Variants in CYP4Z1 observed in about 807,000 individuals in gnomAD.
CYP4Z1 encodes the protein cytochrome P450 family 4 subfamily Z member 1, also known as cytochrome P450 4Z1.
In CYP4Z1, 41 loss-of-function variants were observed where a neutral mutation model predicts 54.2. The observed-to-expected ratio is 0.76, with a 90% CI of 0.59 to 0.98. The LOEUF (loss-of-function observed/expected upper bound fraction) is 0.98. Ranked by LOEUF, CYP4Z1 falls within the 50% of genes least tolerant of loss-of-function variation. The probability of loss-of-function intolerance (pLI) is 0.00; values close to 1 mark genes in which losing one functional copy is unlikely to be tolerated. For missense variants in CYP4Z1, 513 were observed against 599.0 expected (o/e 0.86, Z 1.50); for synonymous variants, 163 against 206.2 (o/e 0.79, Z 1.79).
the CYP4Z1 span, among the ~76,000 whole-genome samples, chr1:47,058,972 T>C: frequency 2.6e-5 from 4 of 152,182 alleles, no homozygotes; most frequent in African/African-American, 9.7e-5. Context: ...AATACAGATA[T>C]ACATCTTAAT....
intron 9 of CYP4Z1, among the ~76,000 whole-genome samples, chr1:47,109,974 A>T (rs1441127705): frequency 6.6e-6 from 1 of 152,086 alleles, no homozygotes; most frequent in East Asian, 1.9e-4. Flanking sequence ...AAAGTAGGAA[A>T]TTTTCAAATT....
At chr1:47,067,115 G>A (rs563698039), upstream of CYP4Z1, among the ~76,000 whole-genome samples, 42 of 152,198 alleles carry the variant, frequency 2.8e-4, no homozygotes, top group African/African-American at 1.0e-3. Context: ...AAACAAAAAA[G>A]AACAGAGAAT....
intron 8 of CYP4Z1, 122 bp downstream of exon 8, chr1:47,099,406 G>T: frequency 1.1e-6 from 1 of 929,142 alleles, no homozygotes; most frequent in Non-Finnish European, 1.6e-6. Context: ...AAAGGTAAGG[G>T]TGTAGGCTAG....
intron 6 of CYP4Z1, among the ~76,000 whole-genome samples, chr1:47,086,977 C>T (rs1179449802): frequency 6.6e-6 from 1 of 152,114 alleles, no homozygotes; most frequent in Admixed American, 6.6e-5. Context: ...ATGTTTTTGT[C>T]AGGTTTGTCA....
chr1:47,110,462 T>A (rs12566853), intron 9 of CYP4Z1, among the ~76,000 whole-genome samples: 10 of 140,244 alleles, frequency 7.1e-5, no homozygotes, highest in African/African-American at 2.2e-4. Flanking sequence ...GAGGCTGAGG[T>A]GGGAGGATCA....
chr1:47,114,976 G>A (rs562771481), intron 9 of CYP4Z1, among the ~76,000 whole-genome samples: 2 of 152,088 alleles, frequency 1.3e-5, no homozygotes, highest in African/African-American at 2.4e-5. Context: ...AAATCGTGCC[G>A]CTATAAAGAC....
intron 10 of CYP4Z1, 48 bp downstream of exon 10, chr1:47,115,641 A>C (rs768012048): frequency 3.3e-6 from 5 of 1,526,940 alleles, no homozygotes; most frequent in African/African-American, 1.4e-5. Context: ...TAGCACCAAG[A>C]GGGAAGAGAA....
At chr1:47,061,362 C>T in the CYP4Z1 span, among the ~76,000 whole-genome samples, 4 of 152,060 alleles carry the variant, frequency 2.6e-5, no homozygotes, top group Non-Finnish European at 1.5e-5. Flanking sequence ...TACCACTGAC[C>T]CCACAGAAAT....
intron 6 of CYP4Z1, among the ~76,000 whole-genome samples, chr1:47,087,576 A>T (rs1412985953): frequency 1.3e-5 from 2 of 152,188 alleles, no homozygotes; most frequent in Non-Finnish European, 2.9e-5. Flanking sequence ...GTTGCTTATC[A>T]GCTTAAGGAG....
intron 7 of CYP4Z1, among the ~76,000 whole-genome samples, chr1:47,095,956 A>T (rs1275078655): frequency 6.6e-6 from 1 of 150,748 alleles, no homozygotes; most frequent in African/African-American, 2.5e-5. Flanking sequence ...TCTGTGAGGG[A>T]CCAAAATAAA....
upstream of CYP4Z1, among the ~76,000 whole-genome samples, chr1:47,066,271 C>CA (rs1644449951): frequency 6.6e-6 from 1 of 152,054 alleles, no homozygotes. Flanking sequence ...AACATAGATG[C>CA]AAAAATCCTC....
intron 7 of CYP4Z1, 128 bp from the exon 8 acceptor site, chr1:47,098,966 A>G (rs2148536445): frequency 1.8e-6 from 2 of 1,110,834 alleles, no homozygotes; most frequent in Non-Finnish European, 2.6e-6. Flanking sequence ...ATAGAAAAAT[A>G]TATGCCAAAT....
chr1:47,085,094 A>C (rs1644582994), intron 6 of CYP4Z1, 116 bp downstream of exon 6: 5 of 595,600 alleles, frequency 8.4e-6, no homozygotes, highest in Non-Finnish European at 1.5e-5. Flanking sequence ...ATCATTCAGA[A>C]ATGCTAATTT....
At chr1:47,101,076 T>G (rs1364151295) in intron 8 of CYP4Z1, among the ~76,000 whole-genome samples, 1 of 152,220 alleles carries the variant, frequency 6.6e-6, no homozygotes, top group East Asian at 1.9e-4. Flanking sequence ...AGTGACCTTT[T>G]GTACTTCTGT....
At chr1:47,107,333 G>A (rs914873562) in intron 9 of CYP4Z1, among the ~76,000 whole-genome samples, 1 of 151,912 alleles carries the variant, frequency 6.6e-6, no homozygotes, top group Non-Finnish European at 1.5e-5. Context: ...TAGAGTCTGC[G>A]CTCGTAACTA....
the CYP4Z1 span, among the ~76,000 whole-genome samples, chr1:47,058,423 C>T: frequency 6.6e-6 from 1 of 152,070 alleles, no homozygotes; most frequent in Non-Finnish European, 1.5e-5. Flanking sequence ...CTTAGGACAT[C>T]CTCGATCACC....
Position 47,089,771 on chromosome 1 carries a change from A to T in CYP4Z1, c.772+4793A>T, listed in dbSNP as rs1196021133. Among the ~76,000 whole-genome samples, 7 of 152,384 alleles carry T rather than the reference A, an allele frequency of 4.6e-5. No individual in the cohort carries two copies. The East Asian group carries it at 1.3e-3, about 29-fold the overall frequency. On this transcript the variant is annotated intron_variant, in intron 6 of 11. Transcript: ENST00000334194. ...TGAGAACCCTTAGATCAACCTCAGG[A>T]GGAGGCCCAACTGCCTTTCTCCCAC...
chr1:47,103,503 C>T (rs1173899957), intron 8 of CYP4Z1, among the ~76,000 whole-genome samples: 1 of 151,724 alleles, frequency 6.6e-6, no homozygotes, highest in Non-Finnish European at 1.5e-5. Context: ...GTGGATTTCT[C>T]ACTCATATCC....
At chr1:47,072,814 C>G (rs1175847386) in intron 2 of CYP4Z1, among the ~76,000 whole-genome samples, 1 of 141,028 alleles carries the variant, frequency 7.1e-6, no homozygotes, top group Non-Finnish European at 1.5e-5. Flanking sequence ...CTGTGCACAC[C>G]AGGGTCTGTG....
Sources: gnomAD v4.1 joint callset for allele counts (sites outside exome capture counted in the v4.1 genomes callset) on GRCh38, gnomAD v4.1.1 for gene constraint, MANE v1.5 for transcripts, NCBI Gene and HGNC (gene_info 2026-07-23, HGNC 2026-07-21) for gene names.